Variants in CLSPN observed in about 807,000 individuals in gnomAD.
The protein encoded by CLSPN is claspin homolog.
In CLSPN, 85 loss-of-function variants were observed where a neutral mutation model predicts 156.3. That is an observed-to-expected ratio of 0.54 (90% CI 0.46 to 0.65). The LOEUF is 0.65. CLSPN is among the 30% of genes least tolerant of loss of function. The probability of loss-of-function intolerance (pLI) is 0.00; values close to 1 mark genes in which losing one functional copy is unlikely to be tolerated. For synonymous variants in CLSPN, 534 were observed against 542.4 expected (o/e 0.98, Z 0.22); for missense variants, 1,407 against 1,554.9 (o/e 0.90, Z 1.60).
rs183163881 is a variant in CLSPN at position 35,748,443 on chromosome 1, C to T, written c.2434G>A (p.Gly812Arg). ...CTGACCAAACTGGCTCGAAATAGCC[C>T]AGGGGAAGGAGATCTGAATCCTCCT... ...TAGGFRSPSP[G>R]LFRASLVSSA... The change falls in exon 13 of 25, where the codon GGG (glycine) becomes AGG (arginine). Residue 812 changes from glycine (G) to arginine (R), a missense_variant. Gly to Arg is a moderately radical substitution (Grantham distance 125). Around this residue, in one of 3 missense-constraint regions of CLSPN, gnomAD observed 1,096 missense variants for 1,193.0 expected, o/e 0.92. Transcript: ENST00000318121. 1 of 1,614,098 alleles carries T rather than the reference C, an allele frequency of 6.2e-7. No homozygotes were observed. Among genetic ancestry groups the T allele is most frequent in the Admixed American group, 1.7e-5 (1 of 60,004 alleles).
rs1571191002 is a variant in CLSPN, at chr1:35,736,245, A to C, written c.*251T>G. Reference sequence around the variant, plus strand: ...AAAAAAAAAAAAAAAAGGAAACCTCACCCAAGTATTCCATGAGTTGTTGAT... The same window carrying C: ...AAAAAAAAAAAAAAAAGGAAACCTCCCCCAAGTATTCCATGAGTTGTTGAT... On this transcript the variant is annotated 3_prime_UTR_variant, in exon 25 of 25. Transcript: ENST00000318121. 1 of 1,099,686 alleles carries C rather than the reference A, an allele frequency of 9.1e-7. No individual in the cohort carries two copies. The highest frequency in any genetic ancestry group is 1.1e-6 in the Non-Finnish European group (1 of 905,108). 68.1% of individuals were successfully genotyped at this position (1,099,686 alleles called of 1,614,324 possible).
At chr1:35,721,769 G>C (rs1327348840) in intron 24 of CLSPN, among the ~76,000 whole-genome samples, 1 of 152,040 alleles carries the variant, frequency 6.6e-6, no homozygotes, top group East Asian at 1.9e-4. Flanking sequence ...AATCATATAA[G>C]GTGCCACAAC....
At chr1:35,741,358 G>A (rs898100560) in intron 18 of CLSPN, among the ~76,000 whole-genome samples, 5 of 151,878 alleles carry the variant, frequency 3.3e-5, no homozygotes, top group African/African-American at 7.3e-5. Flanking sequence ...TTCTCTCGTC[G>A]CCCAGGCTGG....
chr1:35,743,790 A>G (rs1047037954), intron 16 of CLSPN, among the ~76,000 whole-genome samples: 1 of 151,962 alleles, frequency 6.6e-6, no homozygotes, highest in African/African-American at 2.4e-5. Flanking sequence ...TGTTCAGCTA[A>G]TTTTTGTATT....
At chr1:35,739,090 T>C (rs376717196) in intron 20 of CLSPN, 46 bp downstream of exon 20, 26 of 1,611,310 alleles carry the variant, frequency 1.6e-5, no homozygotes, top group Non-Finnish European at 2.1e-5. Flanking sequence ...TGAGCCACCA[T>C]GCTCAGCCCG....
rs980587199 is a variant in CLSPN at position 35,733,157 on chromosome 1, G to C, written c.*3339C>G. On this transcript the variant is annotated 3_prime_UTR_variant, in exon 25 of 25. Coordinates refer to ENST00000318121, the MANE Select transcript of CLSPN (RefSeq NM_022111.4). ...TGATTTTTGTATTTTTAGTAGAGAC[G>C]GGGTTTCACCTTGTTGGTCAGTCTG... 3.3e-5 allele frequency among the ~76,000 whole-genome samples: 5 copies of C among 151,626 alleles called. No homozygotes were observed. The highest frequency in any genetic ancestry group is 2.6e-4 in the Admixed American group (4 of 15,204).
At chr1:35,727,885 G>A (rs1381405265), downstream of CLSPN, among the ~76,000 whole-genome samples, 2 of 152,082 alleles carry the variant, frequency 1.3e-5, no homozygotes, top group African/African-American at 2.4e-5. Flanking sequence ...TATTGCTGCC[G>A]CCAAAGATTT....
At chr1:35,767,027 G>A (rs1642702686) in intron 1 of CLSPN, among the ~76,000 whole-genome samples, 1 of 152,088 alleles carries the variant, frequency 6.6e-6, no homozygotes, top group African/African-American at 2.4e-5. Context: ...AATTACAAGC[G>A]TAAGCCACCA....
intron 7 of CLSPN, 60 bp downstream of exon 7, chr1:35,761,035 CA>C: frequency 7.0e-7 from 1 of 1,436,282 alleles, no homozygotes; most frequent in Non-Finnish European, 9.8e-7. Context: ...CTTTTTATGC[CA>C]GATGTTTGCT....
intron 14 of CLSPN, among the ~76,000 whole-genome samples, 167 bp from the exon 15 acceptor site, chr1:35,747,159 A>G (rs1641917753): frequency 6.6e-6 from 1 of 152,118 alleles, no homozygotes; most frequent in Admixed American, 6.5e-5. Flanking sequence ...CGTCTCTACT[A>G]AAAATACAAA....
chr1:35,763,465 G>A (rs1642556370), intron 3 of CLSPN, 144 bp from the exon 4 acceptor site: 2 of 524,746 alleles, frequency 3.8e-6, no homozygotes, highest in Non-Finnish European at 6.3e-6. Flanking sequence ...ATTCTTACTG[G>A]TTTCTAACTC....
intron 22 of CLSPN, 155 bp from the exon 23 acceptor site, chr1:35,737,576 G>A (rs1374882923): frequency 1.7e-6 from 1 of 580,550 alleles, no homozygotes; most frequent in East Asian, 2.8e-5. Flanking sequence ...ATAATAATTG[G>A]CTCCAAGAAG....
At chr1:35,741,448 C>G (rs1255037029) in intron 18 of CLSPN, among the ~76,000 whole-genome samples, 1 of 152,110 alleles carries the variant, frequency 6.6e-6, no homozygotes, top group African/African-American at 2.4e-5. Context: ...TCCTGAGTAG[C>G]TGGGATTACA....
chr1:35,760,938 G>T, intron 7 of CLSPN, 22 bp from the exon 8 acceptor site: 1 of 1,566,262 alleles, frequency 6.4e-7, no homozygotes, highest in Non-Finnish European at 8.7e-7. Flanking sequence ...AAATTGAGCT[G>T]GAGTTGAAAA....
intron 24 of CLSPN, among the ~76,000 whole-genome samples, chr1:35,725,351 C>G (rs1312205064): frequency 6.6e-6 from 1 of 152,164 alleles, no homozygotes; most frequent in African/African-American, 2.4e-5. Context: ...ACCAGGACAT[C>G]AGAAAAGCCA....
At position 35,734,745 on chromosome 1, in the gene CLSPN, C is replaced by G; in HGVS notation, c.*1751G>C. On this transcript the variant is annotated 3_prime_UTR_variant, in exon 25 of 25. Coordinates refer to ENST00000318121, the MANE Select transcript of CLSPN (RefSeq NM_022111.4). ...AAAGAAAAGAAAAACTGTAAAAAAC[C>G]TACAACCTAATTGCATCAATTAAAT... 2 of 981,686 alleles carry G rather than the reference C, an allele frequency of 2.0e-6. No homozygotes were observed. The highest frequency in any genetic ancestry group is 2.4e-6 in the Non-Finnish European group (2 of 827,172). The allele number at this position is 981,686 out of a possible 1,614,324, so 60.8% of individuals were successfully genotyped here.
At chr1:35,764,132 G>T in intron 3 of CLSPN, 134 bp downstream of exon 3, 1 of 637,814 alleles carries the variant, frequency 1.6e-6, no homozygotes, top group Non-Finnish European at 2.7e-6. Flanking sequence ...CATACCTATT[G>T]AGAATAATTC....
chr1:35,733,352 AC>A lies in CLSPN; in HGVS notation c.*3143del, dbSNP rs1641367176. The A allele has an allele frequency of 1.3e-5, 3 of 235,378 alleles. No individual in the cohort carries two copies. The highest frequency in any genetic ancestry group is 8.4e-5 in the African/African-American group (3 of 35,588). The allele number at this position is 235,378 out of a possible 1,614,324, so 14.6% of individuals were successfully genotyped here. A position where few individuals can be genotyped will look rare whatever the true frequency, so the allele number is the denominator to read the frequency against. On this transcript the variant is annotated 3_prime_UTR_variant, in exon 25 of 25. Transcript: ENST00000318121. ...TTTTTTTTTTTAGAGTTGGGATTTC[AC>A]CATGTTTCCCAGGCTGGTCTCGAAC... is the stretch of plus-strand genomic sequence containing the variant.
chr1:35,744,890 T>C (rs1053649787), intron 16 of CLSPN, among the ~76,000 whole-genome samples: 2 of 152,118 alleles, frequency 1.3e-5, no homozygotes, highest in African/African-American at 2.4e-5. Context: ...CTCGGCTCAC[T>C]ACAACCTCTG....
Sources: allele counts gnomAD v4.1 joint callset (sites outside exome capture counted in the v4.1 genomes callset), GRCh38; gene constraint gnomAD v4.1.1; regional missense constraint gnomAD v4.1.1; transcripts MANE v1.5; gene names NCBI Gene and HGNC (gene_info 2026-07-23, HGNC 2026-07-21).